Variants in CTTN observed in about 807,000 individuals in gnomAD.
CTTN encodes the protein cortactin.
CTTN carries 28 observed loss-of-function variants against 84.0 expected under a neutral mutation model. That is an observed-to-expected ratio of 0.33 (90% confidence interval 0.25 to 0.46). CTTN has a LOEUF of 0.46. Among genes scored for constraint, CTTN ranks in the 20% least tolerant of loss-of-function variants. CTTN has a pLI of 1.00. For synonymous variants in CTTN, 301 were observed against 288.8 expected (o/e 1.04, Z -0.43); for missense variants, 641 against 723.8 (o/e 0.89, Z 1.31).
chr11:70,422,766 A>G (rs968024734), intron 11 of CTTN, 174 bp from the exon 12 acceptor site: 7 of 1,471,102 alleles, frequency 4.8e-6, no homozygotes, highest in Non-Finnish European at 6.4e-6. Flanking sequence ...GTGTCTCACG[A>G]CCATGGGTGG....
chr11:70,416,966 T>C, intron 7 of CTTN, 47 bp from the exon 8 acceptor site: 1 of 1,293,496 alleles, frequency 7.7e-7, no homozygotes, highest in Non-Finnish European at 1.1e-6. Context: ...AGGAACAGTG[T>C]AGTTCGTCCT....
Position 70,436,126 on chromosome 11 carries a change from T to C in CTTN, c.*964T>C. 1 of 1,431,802 alleles carries C rather than the reference T, an allele frequency of 7.0e-7. No individual in the cohort carries two copies. Among genetic ancestry groups the C allele is most frequent in the Non-Finnish European group, 9.1e-7 (1 of 1,098,342 alleles). The allele number at this position is 1,431,802 out of a possible 1,614,324, so 88.7% of individuals were successfully genotyped here. A position where few individuals can be genotyped will look rare whatever the true frequency, so the allele number is the denominator to read the frequency against. ...GGAACCCTCCTCCTGTCAATGGGGG[T>C]GTAGTATTTTTGCCAAAATATCATG... On this transcript the variant is annotated 3_prime_UTR_variant, in exon 18 of 18. Coordinates refer to ENST00000301843, the MANE Select transcript of CTTN (RefSeq NM_005231.4).
chr11:70,416,013 C>T lies in CTTN; in HGVS notation c.457+296C>T, dbSNP rs1437936750. ...CCCCCTTGTAGCGGAAGCCGCCTTC[C>T]CTTCATCTGGGCAGCGCTCCTCCTG... On this transcript the variant is annotated intron_variant, in intron 7 of 17. Transcript: ENST00000301843. 1.0e-5 allele frequency: 4 copies of T among 382,584 alleles called. No homozygotes were observed. The Admixed American group carries it at 1.7e-4, about 16-fold the overall frequency. 23.7% of individuals were successfully genotyped at this position (382,584 alleles called of 1,614,324 possible). A position where few individuals can be genotyped will look rare whatever the true frequency, so the allele number is the denominator to read the frequency against.
chr11:70,422,368 G>A (rs77395560), intron 11 of CTTN: 38,364 of 555,146 alleles, frequency 0.069, 1,631 homozygotes, highest in Middle Eastern at 0.09. Context: ...GGGTGGTCCC[G>A]CAGACTGCAT....
intron 12 of CTTN, among the ~76,000 whole-genome samples, chr11:70,423,699 G>A (rs913402971): frequency 6.6e-6 from 1 of 152,200 alleles, no homozygotes; most frequent in African/African-American, 2.4e-5. Context: ...AGGTTCTCAA[G>A]GAGCCTAGCT....
rs1168168964 is a variant in CTTN at position 70,436,197 on chromosome 11, G to A, written c.*1035G>A. The stretch of plus-strand genomic sequence containing the variant: ...CAGTTGAAGGCTAGAAGTGTGAAGT[G>A]CAGATGAGTGTGTGTTCTTCCCCAA... On this transcript the variant is annotated 3_prime_UTR_variant, in exon 18 of 18. Transcript: ENST00000301843. The A allele has an allele frequency of 6.5e-7, 1 of 1,548,286 alleles. No homozygotes were observed. The highest frequency in any genetic ancestry group is 8.7e-7 in the Non-Finnish European group (1 of 1,155,734).
At chr11:70,403,253 A>G (rs1454954276) in intron 1 of CTTN, among the ~76,000 whole-genome samples, 1 of 146,820 alleles carries the variant, frequency 6.8e-6, no homozygotes, top group Non-Finnish European at 1.5e-5. Context: ...TAGTGGCGCA[A>G]TCTCGGCTCA....
chr11:70,399,908 GCCCAA>G lies in CTTN; in HGVS notation c.-98+1295_-98+1299del, dbSNP rs529912709. Among the ~76,000 whole-genome samples the G allele has an allele frequency of 2.9e-4, 44 of 152,306 alleles. No individual in the cohort carries two copies. The South Asian group carries it at 8.5e-3, about 29-fold the overall frequency. On this transcript the variant is annotated intron_variant, in intron 1 of 17. Coordinates refer to ENST00000301843, the MANE Select transcript of CTTN (RefSeq NM_005231.4). ...TGATCCAGCCCTCAAGCCCGGCCGG[GCCCAA>G]GGCCGTGGCGCAGGAGGGGCTGGCC...
At chr11:70,403,248 G>A (rs930892919) in intron 1 of CTTN, among the ~76,000 whole-genome samples, 3 of 146,602 alleles carry the variant, frequency 2.0e-5, no homozygotes, top group Non-Finnish European at 4.5e-5. Context: ...CAGTATAGTG[G>A]CGCAATCTCG....
intron 13 of CTTN, among the ~76,000 whole-genome samples, chr11:70,426,988 G>A (rs150314840): frequency 5.0e-4 from 76 of 151,906 alleles, no homozygotes; most frequent in African/African-American, 1.7e-3. Flanking sequence ...CACCTGCCTC[G>A]GCCTCTCAAA....
At chr11:70,432,652 G>T (rs910553687) in intron 15 of CTTN, among the ~76,000 whole-genome samples, 1 of 152,260 alleles carries the variant, frequency 6.6e-6, no homozygotes, top group East Asian at 1.9e-4. Flanking sequence ...CTGGAGCCAC[G>T]TGGTGAAGCC....
intron 5 of CTTN, among the ~76,000 whole-genome samples, 196 bp from the exon 6 acceptor site, chr11:70,414,344 CAA>C (rs369759667): frequency 7.4e-6 from 1 of 135,280 alleles, no homozygotes; most frequent in Non-Finnish European, 1.6e-5. Context: ...GACTCTGTCT[CAA>C]AAAAAAAAAA....
At chr11:70,425,251 A>G (rs1591446970) in intron 12 of CTTN, 81 bp from the exon 13 acceptor site, 3 of 1,119,422 alleles carry the variant, frequency 2.7e-6, no homozygotes, top group East Asian at 2.5e-5. Context: ...TGGGGAAGGC[A>G]TTTGCATCTG....
chr11:70,417,633 T>C (rs2058179709), intron 8 of CTTN, among the ~76,000 whole-genome samples: 1 of 152,088 alleles, frequency 6.6e-6, no homozygotes, highest in Non-Finnish European at 1.5e-5. Flanking sequence ...CTAGCCGGGA[T>C]TACAAGCACA....
Position 70,436,226 on chromosome 11 carries a change from C to A in CTTN, c.*1064C>A, listed in dbSNP as rs534953093. The A allele has an allele frequency of 1.3e-6, 2 of 1,579,370 alleles. No homozygotes were observed. Among genetic ancestry groups the A allele is most frequent in the East Asian group, 4.5e-5 (2 of 44,600 alleles). On this transcript the variant is annotated 3_prime_UTR_variant, in exon 18 of 18. Transcript: ENST00000301843. ...ATGAGTGTGTGTTCTTCCCCAAGGT[C>A]CCCCCACAGCTCCAGGACACCGCTG...
intron 5 of CTTN, among the ~76,000 whole-genome samples, chr11:70,412,895 G>A (rs1490031988): frequency 1.3e-5 from 2 of 152,228 alleles, no homozygotes; most frequent in African/African-American, 4.8e-5. Context: ...GTCATTCTGG[G>A]CATGTCTTTA....
At chr11:70,414,396 C>T (rs2058133517) in intron 5 of CTTN, 146 bp from the exon 6 acceptor site, 1 of 552,734 alleles carries the variant, frequency 1.8e-6, no homozygotes, top group Non-Finnish European at 3.2e-6. Context: ...AGTCGTGTCG[C>T]CTTCCTTGGC....
intron 6 of CTTN, among the ~76,000 whole-genome samples, 163 bp downstream of exon 6, chr11:70,414,815 C>A (rs1311863985): frequency 6.6e-6 from 1 of 152,156 alleles, no homozygotes; most frequent in Non-Finnish European, 1.5e-5. Flanking sequence ...AGAGCCTGGG[C>A]TCTCAGAGAG....
intron 7 of CTTN, 160 bp from the exon 8 acceptor site, chr11:70,416,853 G>A (rs1482334529): frequency 1.6e-5 from 10 of 627,866 alleles, no homozygotes; most frequent in Admixed American, 9.4e-5. Context: ...AGGGTCCAGC[G>A]TCACCTGTAT....
Sources: gnomAD v4.1 joint callset for allele counts (sites outside exome capture counted in the v4.1 genomes callset) on GRCh38, gnomAD v4.1.1 for gene constraint, MANE v1.5 for transcripts, NCBI Gene and HGNC (gene_info 2026-07-23, HGNC 2026-07-21) for gene names.